SEMA5A: variants seen among roughly 807,000 people sequenced by gnomAD.
The protein encoded by SEMA5A is semaphorin 5A.
SEMA5A carries 55 observed loss-of-function variants against 135.5 expected under a neutral mutation model. The observed-to-expected ratio is 0.41, with a 90% CI of 0.33 to 0.51. The LOEUF is 0.51. Among genes scored for constraint, SEMA5A ranks in the 20% least tolerant of loss-of-function variants. The pLI is 0.37. For synonymous variants in SEMA5A, 580 were observed against 546.5 expected, an observed-to-expected ratio of 1.06 and a Z score of -0.85; for missense variants, 1,290 against 1,419.9, an observed-to-expected ratio of 0.91 and a Z score of 1.47.
intron 5 of SEMA5A, among the ~76,000 whole-genome samples, chr5:9,270,983 T>C (rs998918797): frequency 1.3e-5 from 2 of 152,080 alleles, no homozygotes; most frequent in Non-Finnish European, 2.9e-5. Context: ...TTCTCCTTTT[T>C]AACATAAGGA....
chr5:9,362,209 T>C (rs1008595933), intron 3 of SEMA5A, among the ~76,000 whole-genome samples: 4 of 152,190 alleles, frequency 2.6e-5, no homozygotes, highest in Admixed American at 2.6e-4. Context: ...CCTCACCTGC[T>C]TCTCCCATCC....
intron 5 of SEMA5A, 72 bp from the exon 6 acceptor site, chr5:9,237,962 A>C: frequency 7.2e-7 from 1 of 1,396,620 alleles, no homozygotes; most frequent in Non-Finnish European, 1.0e-6. Flanking sequence ...ACAAGGTAAC[A>C]AGGCACTGGT....
At chr5:9,243,546 C>T (rs528242711) in intron 5 of SEMA5A, among the ~76,000 whole-genome samples, 11 of 152,200 alleles carry the variant, frequency 7.2e-5, no homozygotes, top group African/African-American at 2.6e-4. Context: ...TTTGGAGAAA[C>T]AATTCATAGT....
intron 1 of SEMA5A, among the ~76,000 whole-genome samples, chr5:9,516,093 C>T (rs990237718): frequency 6.6e-6 from 1 of 152,216 alleles, no homozygotes; most frequent in African/African-American, 2.4e-5. Flanking sequence ...TTACTGAACA[C>T]CTACGGTATA....
At chr5:9,152,088 G>A (rs2150253865) in intron 12 of SEMA5A, among the ~76,000 whole-genome samples, 1 of 152,306 alleles carries the variant, frequency 6.6e-6, no homozygotes, top group South Asian at 2.1e-4. Flanking sequence ...GAGGCTGAGC[G>A]ATTATGACCC....
chr5:9,198,027 C>T lies in SEMA5A; in HGVS notation c.933-724G>A, dbSNP rs549050245. On this transcript the variant is annotated intron_variant, in intron 9 of 22. Transcript: ENST00000382496. ...CCCTCAGAAGGTCAGTGCCCTCTGA[C>T]TAAGTATGGAAACAGCAACATTATT... Among the ~76,000 whole-genome samples, 6 of 152,120 alleles carry T rather than the reference C, an allele frequency of 3.9e-5. 1 individual carries two copies. The highest frequency in any genetic ancestry group is 1.4e-4 in the African/African-American group (6 of 41,488).
At chr5:9,190,075 G>A (rs191762685) in intron 11 of SEMA5A, among the ~76,000 whole-genome samples, 192 bp downstream of exon 11, 3 of 152,346 alleles carry the variant, frequency 2.0e-5, no homozygotes, top group Non-Finnish European at 4.4e-5. Context: ...CCAATATAGT[G>A]AAAATAGATT....
At chr5:9,245,126 T>C (rs1748418765) in intron 5 of SEMA5A, among the ~76,000 whole-genome samples, 1 of 152,134 alleles carries the variant, frequency 6.6e-6, no homozygotes, top group Non-Finnish European at 1.5e-5. Context: ...AAACAAACAA[T>C]TCCTAAGTTT....
chr5:9,231,612 C>T (rs1270252724), intron 6 of SEMA5A, among the ~76,000 whole-genome samples: 1 of 152,158 alleles, frequency 6.6e-6, no homozygotes, highest in Non-Finnish European at 1.5e-5. Context: ...CTGTTACAAA[C>T]GTGGCCTTTC....
intron 5 of SEMA5A, chr5:9,280,791 A>G: frequency 2.3e-6 from 1 of 432,330 alleles, no homozygotes; most frequent in Non-Finnish European, 4.6e-6. Context: ...ATACTCACCC[A>G]ATTGTCTTCC....
Position 9,382,030 on chromosome 5 carries a change from T to C in SEMA5A, c.-77-2007A>G, listed in dbSNP as rs185085934. On this transcript the variant is annotated intron_variant, in intron 2 of 22. Coordinates refer to ENST00000382496, the MANE Select transcript of SEMA5A (RefSeq NM_003966.3). Reference sequence around the variant, plus strand: ...CAGACACGTGGCCAGGCATGGTGGCTCATGCCTGTAATCCTAGCACTTTGG... The same window carrying C: ...CAGACACGTGGCCAGGCATGGTGGCCCATGCCTGTAATCCTAGCACTTTGG... 3.8e-3 allele frequency among the ~76,000 whole-genome samples: 571 copies of C among 150,492 alleles called. 2 individuals are homozygous for C. The highest frequency in any genetic ancestry group is 0.013 in the African/African-American group (530 of 40,992).
intron 1 of SEMA5A, among the ~76,000 whole-genome samples, chr5:9,513,739 C>G (rs934206049): frequency 6.6e-6 from 1 of 152,148 alleles, no homozygotes; most frequent in Non-Finnish European, 1.5e-5. Flanking sequence ...AATATTTTTA[C>G]GTTTTAATTA....
At chr5:9,274,701 G>A in intron 5 of SEMA5A, among the ~76,000 whole-genome samples, 1 of 152,124 alleles carries the variant, frequency 6.6e-6, no homozygotes, top group East Asian at 1.9e-4. Flanking sequence ...ACAACTACAT[G>A]GAAAGTGAAC....
chr5:9,122,889 T>C lies in SEMA5A; in HGVS notation c.1600-52A>G, dbSNP rs754257390. On this transcript the variant is annotated intron_variant, in intron 13 of 22. Coordinates refer to ENST00000382496, the MANE Select transcript of SEMA5A (RefSeq NM_003966.3). ...TCAGAAAAGGTTAAAGCTGAACACATAATGGAGTAAAAATTAAAAATCCCT... is the reference window on the plus strand; with the variant it reads ...TCAGAAAAGGTTAAAGCTGAACACACAATGGAGTAAAAATTAAAAATCCCT... 7.7e-6 allele frequency: 11 copies of C among 1,420,936 alleles called. No individual in the cohort carries two copies. In the East Asian group the frequency reaches 9.8e-5, roughly 13 times the overall value. The allele number at this position is 1,420,936 out of a possible 1,614,324, so 88.0% of individuals were successfully genotyped here.
intron 8 of SEMA5A, among the ~76,000 whole-genome samples, chr5:9,207,730 T>C (rs1746109894): frequency 6.6e-6 from 1 of 152,228 alleles, no homozygotes; most frequent in Non-Finnish European, 1.5e-5. Context: ...AATCTATTTT[T>C]ATCTAGATAT....
At chr5:9,326,443 G>A (rs1752878681) in intron 4 of SEMA5A, among the ~76,000 whole-genome samples, 1 of 152,032 alleles carries the variant, frequency 6.6e-6, no homozygotes, top group Admixed American at 6.5e-5. Flanking sequence ...TAGTAGAGAT[G>A]GGGTTTCGCT....
At chr5:9,514,206 A>G (rs1262026690) in intron 1 of SEMA5A, among the ~76,000 whole-genome samples, 1 of 152,044 alleles carries the variant, frequency 6.6e-6, no homozygotes, top group Non-Finnish European at 1.5e-5. Flanking sequence ...TCTGCAGCAA[A>G]TCTTCCTCTG....
At chr5:9,151,032 G>A (rs1170539564) in intron 12 of SEMA5A, among the ~76,000 whole-genome samples, 2 of 152,136 alleles carry the variant, frequency 1.3e-5, no homozygotes, top group Middle Eastern at 3.2e-3. Flanking sequence ...TGTTGCAGTA[G>A]CTATGTGACT....
At position 9,533,708 on chromosome 5, in the gene SEMA5A, C is replaced by T. The variant is rs188943661; in HGVS notation, c.-175+11876G>A. Among the ~76,000 whole-genome samples, 610 of 152,288 alleles carry T rather than the reference C, an allele frequency of 4.0e-3. 1 individual carries two copies. The highest frequency in any genetic ancestry group is 0.014 in the Admixed American group (218 of 15,304). On this transcript the variant is annotated intron_variant, in intron 1 of 22. Transcript: ENST00000382496. ...GCAGACTTTACAAGTTTCCTATGTG[C>T]CTCTAATTATGTCTTTATACAAATT... is the stretch of plus-strand genomic sequence containing the variant.
Sources: allele counts gnomAD v4.1 joint callset (sites outside exome capture counted in the v4.1 genomes callset), GRCh38; gene constraint gnomAD v4.1.1; transcripts MANE v1.5; gene names NCBI Gene and HGNC (gene_info 2026-07-23, HGNC 2026-07-21).